ARMC2: variants seen among roughly 807,000 people sequenced by gnomAD.
ARMC2 encodes armadillo repeat-containing protein 2.
A neutral mutation model predicts 90.3 loss-of-function variants in ARMC2; 67 were observed. The observed-to-expected ratio is 0.74, with a 90% CI of 0.61 to 0.91. ARMC2 has a LOEUF of 0.91. Among genes scored for constraint, ARMC2 ranks in the 40% least tolerant of loss-of-function variants. The pLI, the probability that ARMC2 is intolerant of heterozygous loss-of-function variation, is 0.00. For synonymous variants in ARMC2, 393 were observed against 393.0 expected, an observed-to-expected ratio of 1.00 and a Z score of 0.00; for missense variants, 920 against 1,030.9, an observed-to-expected ratio of 0.89 and a Z score of 1.47.
At chr6:108,997,133 A>G in the ARMC2 span, among the ~76,000 whole-genome samples, 7 of 124,104 alleles carry the variant, frequency 5.6e-5, no homozygotes, top group East Asian at 1.3e-3. Flanking sequence ...GCTCACTGTC[A>G]AAGTGTCATC....
At chr6:109,020,305 A>AT in the ARMC2 span, among the ~76,000 whole-genome samples, 1 of 152,240 alleles carries the variant, frequency 6.6e-6, no homozygotes, top group Non-Finnish European at 1.5e-5. Context: ...AATAGATTAG[A>AT]TTTTAGTATT....
the ARMC2 span, chr6:109,009,565 G>A: frequency 2.7e-6 from 3 of 1,108,902 alleles, 1 homozygote; most frequent in Non-Finnish European, 3.3e-6. Context: ...CGGGGGGGCG[G>A]GGCGGCGCCG....
the ARMC2 span, among the ~76,000 whole-genome samples, chr6:109,052,705 A>G: frequency 3.0e-4 from 45 of 152,308 alleles, no homozygotes; most frequent in African/African-American, 1.1e-3. Context: ...CTAGTCATTG[A>G]TATTGAATTT....
At chr6:108,993,384 G>A in the ARMC2 span, among the ~76,000 whole-genome samples, 6 of 152,082 alleles carry the variant, frequency 3.9e-5, no homozygotes, top group Non-Finnish European at 8.8e-5. Context: ...AGACTTTCTG[G>A]ACTATCATCA....
chr6:109,018,124 T>C, the ARMC2 span, among the ~76,000 whole-genome samples: 2 of 152,248 alleles, frequency 1.3e-5, no homozygotes, highest in East Asian at 3.8e-4. Flanking sequence ...CCTTGTATAT[T>C]ATCAGTGGTT....
chr6:108,965,163 G>A (rs536778725), intron 17 of ARMC2, 23 bp downstream of exon 17: 33 of 1,576,212 alleles, frequency 2.1e-5, no homozygotes, highest in African/African-American at 1.7e-4. Flanking sequence ...ACTATGATGA[G>A]TCTGTGAGTT....
At chr6:108,960,488 T>G (rs761027004) in intron 13 of ARMC2, among the ~76,000 whole-genome samples, 7 of 152,184 alleles carry the variant, frequency 4.6e-5, no homozygotes, top group Non-Finnish European at 7.3e-5. Context: ...CAGCACTCAC[T>G]ATGTGCCAGG....
intron 5 of ARMC2, chr6:108,880,122 C>T: frequency 2.7e-6 from 1 of 365,164 alleles, no homozygotes; most frequent in Non-Finnish European, 5.3e-6. Flanking sequence ...AATGAAACAA[C>T]AACAAAAAAA....
At chr6:108,964,889 A>G in intron 16 of ARMC2, 91 bp from the exon 17 acceptor site, 1 of 976,330 alleles carries the variant, frequency 1.0e-6, no homozygotes, top group Non-Finnish European at 1.5e-6. Context: ...ATACTTACAT[A>G]TCACAGAAGG....
At position 108,894,494 on chromosome 6, in the gene ARMC2, C is replaced by T. The variant is rs768633566; in HGVS notation, c.699C>T (p.Ala233=). The stretch of plus-strand genomic sequence containing the variant: ...ACCAGGGGAAGAGACATGCGAGGGC[C>T]TCATCATGCCCCAGTAGCTCAGACC... ...GGDQGKRHAR[A]SSCPSSSDLS... is the part of the protein sequence containing the mutation. Residue 233 remains alanine, a synonymous_variant, in exon 6 of 18, where the codon GCC becomes GCT. Transcript: ENST00000392644. 6.2e-7 allele frequency: 1 copy of T among 1,611,606 alleles called. No homozygotes were observed. The highest frequency in any genetic ancestry group is 8.5e-7 in the Non-Finnish European group (1 of 1,178,932).
At chr6:108,986,722 A>G in the ARMC2 span, 1 of 152,258 alleles carries the variant, frequency 6.6e-6, no homozygotes, top group Non-Finnish European at 1.5e-5. Context: ...CTACAGCAAC[A>G]TGTCCCACAA....
chr6:109,028,582 CTAGGGGG>C, the ARMC2 span, among the ~76,000 whole-genome samples: 158 of 152,192 alleles, frequency 1.0e-3, no homozygotes, highest in Non-Finnish European at 2.0e-3. Flanking sequence ...CCGGGCAATA[CTAGGGGG>C]TAAGACAGGG....
At chr6:108,953,464 T>A (rs533865527) in intron 13 of ARMC2, 113 bp downstream of exon 13, 518 of 1,085,610 alleles carry the variant, frequency 4.8e-4, no homozygotes, top group Non-Finnish European at 6.1e-4. Flanking sequence ...TGGCTCCCTA[T>A]GAGAAAGTCT....
chr6:109,032,949 A>G, the ARMC2 span, among the ~76,000 whole-genome samples: 1 of 152,194 alleles, frequency 6.6e-6, no homozygotes, highest in Non-Finnish European at 1.5e-5. Flanking sequence ...AAGAACCCAC[A>G]CAGGTATTTC....
At chr6:108,999,812 A>T in the ARMC2 span, 1 of 152,178 alleles carries the variant, frequency 6.6e-6, no homozygotes, top group African/African-American at 2.4e-5. Context: ...GACAAAAAAC[A>T]AGAAACAAAA....
chr6:109,031,754 G>A, the ARMC2 span, among the ~76,000 whole-genome samples: 1 of 152,192 alleles, frequency 6.6e-6, no homozygotes, highest in Admixed American at 6.5e-5. Context: ...GGGTGATTTA[G>A]AGGAAGTATA....
the ARMC2 span, among the ~76,000 whole-genome samples, chr6:109,008,518 A>G: frequency 2.0e-5 from 3 of 152,242 alleles, no homozygotes; most frequent in African/African-American, 7.2e-5. Flanking sequence ...TACATAGTAT[A>G]CTGATAATAG....
chr6:108,921,082 CAT>C (rs550768198), intron 10 of ARMC2, among the ~76,000 whole-genome samples: 2 of 152,202 alleles, frequency 1.3e-5, no homozygotes, highest in Non-Finnish European at 2.9e-5. Context: ...CTAGCTTTAG[CAT>C]ATAATTGTGA....
chr6:108,890,903 C>G (rs946380416), intron 5 of ARMC2, among the ~76,000 whole-genome samples: 4 of 151,742 alleles, frequency 2.6e-5, no homozygotes, highest in Non-Finnish European at 5.9e-5. Context: ...TATCCCTCCC[C>G]TAGCCCCCCA....
Sources: allele counts gnomAD v4.1 joint callset (sites outside exome capture counted in the v4.1 genomes callset), GRCh38; gene constraint gnomAD v4.1.1; transcripts MANE v1.5; gene names NCBI Gene and HGNC (gene_info 2026-07-23, HGNC 2026-07-21).